The following IGSF21 variants were observed in gnomAD, a reference collection of about 807,000 sequenced individuals.
The protein encoded by IGSF21 is immunoglobin superfamily member 21.
In IGSF21, 28 loss-of-function variants were observed where a neutral mutation model predicts 46.8. The ratio of observed to expected loss-of-function variants is 0.60; its 90% CI spans 0.44 to 0.82. The LOEUF (loss-of-function observed/expected upper bound fraction) is 0.82. IGSF21 is among the 40% of genes least tolerant of loss of function. IGSF21 has a pLI of 0.00. For missense variants in IGSF21, 624 were observed against 665.5 expected (o/e 0.94, Z 0.69); for synonymous variants, 284 against 273.6 (o/e 1.04, Z -0.38).
At chr1:18,174,581 G>T (rs560050755) in intron 1 of IGSF21, among the ~76,000 whole-genome samples, 2 of 152,134 alleles carry the variant, frequency 1.3e-5, no homozygotes, top group African/African-American at 4.8e-5. Flanking sequence ...CACTTCAAGC[G>T]TGCCACCCGA....
In IGSF21 at chr1:18,291,895, G is replaced by T. The variant is rs750015491; in HGVS notation, c.213G>T (p.Lys71Asn). The T allele has an allele frequency of 1.2e-6, 2 of 1,614,132 alleles. No homozygotes were observed. Among genetic ancestry groups the T allele is most frequent in the Non-Finnish European group, 1.7e-6 (2 of 1,180,020 alleles). Reference sequence around the variant, plus strand: ...CGGATGGTGGCACCATCAAGCAAAAGATCTTCACCTTCGACGCCATGTTCT... The same window carrying T: ...CGGATGGTGGCACCATCAAGCAAAATATCTTCACCTTCGACGCCATGTTCT... ...RVTDGGTIKQ[K>N]IFTFDAMFST... Residue 71 changes from lysine (K) to asparagine (N), a missense_variant, in exon 3 of 10, where the codon AAG (lysine) becomes AAT (asparagine). By Grantham distance (94) the Lys-to-Asn change is moderately conservative. Transcript: ENST00000251296.
At chr1:18,301,389 G>C (rs560340556) in intron 3 of IGSF21, among the ~76,000 whole-genome samples, 71 of 152,336 alleles carry the variant, frequency 4.7e-4, no homozygotes, top group African/African-American at 1.7e-3. Flanking sequence ...GCCCAGGCTG[G>C]AGTGCACTGG....
intron 1 of IGSF21, among the ~76,000 whole-genome samples, chr1:18,212,935 A>G (rs2084407287): frequency 6.6e-6 from 1 of 152,250 alleles, no homozygotes; most frequent in African/African-American, 2.4e-5. Flanking sequence ...AAAGACGGTC[A>G]GGGAAAAGAC....
intron 1 of IGSF21, among the ~76,000 whole-genome samples, chr1:18,145,396 C>A (rs1020415170): frequency 6.6e-6 from 1 of 152,024 alleles, no homozygotes; most frequent in Non-Finnish European, 1.5e-5. Flanking sequence ...AAGTTAATGG[C>A]AAAACCAACC....
chr1:18,330,948 C>G (rs542491737), intron 3 of IGSF21, among the ~76,000 whole-genome samples: 1 of 152,122 alleles, frequency 6.6e-6, no homozygotes, highest in African/African-American at 2.4e-5. Flanking sequence ...CGTTACCACC[C>G]GAAATCCGTA....
chr1:18,134,131 A>G (rs2086347450), intron 1 of IGSF21, among the ~76,000 whole-genome samples: 1 of 152,176 alleles, frequency 6.6e-6, no homozygotes, highest in Non-Finnish European at 1.5e-5. Flanking sequence ...AGTTACTCTT[A>G]GTAGAACCAT....
intron 1 of IGSF21, among the ~76,000 whole-genome samples, chr1:18,141,783 T>G (rs1303448271): frequency 6.6e-6 from 1 of 152,176 alleles, no homozygotes. Flanking sequence ...AAAGCACAGT[T>G]CATGGCTGGG....
Position 18,362,151 on chromosome 1 carries a change from C to T in IGSF21, c.461C>T (p.Thr154Ile). 6.2e-7 allele frequency: 1 copy of T among 1,612,312 alleles called. No homozygotes were observed. Among genetic ancestry groups the T allele is most frequent in the Non-Finnish European group, 8.5e-7 (1 of 1,179,446 alleles). The change falls in exon 5 of 10, where the codon ACA becomes ATA. Residue 154 changes from threonine to isoleucine, a missense_variant. By Grantham distance (89) the Thr-to-Ile change is moderately conservative (BLOSUM62 -1). Transcript: ENST00000251296. ...TCCATTGAAGTGGTGGCTGCTGACA[C>T]ACCAGCCCCCTTCAGCCGCTACCAA... ...PTSIEVVAAD[T>I]PAPFSRYQAQ...
At chr1:18,340,522 G>C (rs1268334229) in intron 4 of IGSF21, among the ~76,000 whole-genome samples, 1 of 152,196 alleles carries the variant, frequency 6.6e-6, no homozygotes, top group Non-Finnish European at 1.5e-5. Flanking sequence ...AATAAGACAA[G>C]GTCCTTGCTC....
chr1:18,340,958 C>T (rs1222364693), intron 4 of IGSF21, among the ~76,000 whole-genome samples: 2 of 149,898 alleles, frequency 1.3e-5, no homozygotes, highest in Non-Finnish European at 3.0e-5. Flanking sequence ...CCTCCCCCTC[C>T]CCCTCCTTCT....
chr1:18,321,197 A>C (rs1244046238), intron 3 of IGSF21, among the ~76,000 whole-genome samples: 1 of 152,138 alleles, frequency 6.6e-6, no homozygotes, highest in Non-Finnish European at 1.5e-5. Context: ...CTGCAGACAA[A>C]AGGGTCTGCC....
At chr1:18,377,149 C>T (rs2086291657) in intron 8 of IGSF21, among the ~76,000 whole-genome samples, 157 bp downstream of exon 8, 1 of 152,196 alleles carries the variant, frequency 6.6e-6, no homozygotes, top group East Asian at 1.9e-4. Flanking sequence ...GGCAGGGTCG[C>T]TCAGTGGTTA....
At chr1:18,148,273 G>A (rs1399739767) in intron 1 of IGSF21, among the ~76,000 whole-genome samples, 1 of 151,782 alleles carries the variant, frequency 6.6e-6, no homozygotes, top group African/African-American at 2.4e-5. Flanking sequence ...TGGGACTACA[G>A]GCGCCCACCA....
At chr1:18,237,121 G>A (rs2084680509) in intron 2 of IGSF21, among the ~76,000 whole-genome samples, 1 of 152,184 alleles carries the variant, frequency 6.6e-6, no homozygotes, top group African/African-American at 2.4e-5. Context: ...ACCATCCTTA[G>A]CCTTTCAATC....
At chr1:18,312,668 G>A (rs768282947) in intron 3 of IGSF21, among the ~76,000 whole-genome samples, 1 of 152,104 alleles carries the variant, frequency 6.6e-6, no homozygotes, top group Non-Finnish European at 1.5e-5. Flanking sequence ...CGACCCTCCT[G>A]TCTCCCTCCA....
chr1:18,136,591 G>A (rs2086369118), intron 1 of IGSF21, among the ~76,000 whole-genome samples: 1 of 152,162 alleles, frequency 6.6e-6, no homozygotes, highest in South Asian at 2.1e-4. Context: ...TTATTTCTGA[G>A]GGCTCTGTTC....
intron 4 of IGSF21, among the ~76,000 whole-genome samples, chr1:18,344,948 G>A (rs1046509296): frequency 1.3e-5 from 2 of 152,200 alleles, no homozygotes; most frequent in African/African-American, 4.8e-5. Flanking sequence ...GCTGCAGAGG[G>A]AGGCATGGGC....
chr1:18,373,518 G>A (rs11583062), intron 6 of IGSF21, among the ~76,000 whole-genome samples: 6 of 152,100 alleles, frequency 3.9e-5, no homozygotes, highest in Non-Finnish European at 7.4e-5. Flanking sequence ...AGGGACCATC[G>A]GCTGCAAACG....
At chr1:18,133,707 C>G (rs1392568969) in intron 1 of IGSF21, among the ~76,000 whole-genome samples, 1 of 152,222 alleles carries the variant, frequency 6.6e-6, no homozygotes, top group African/African-American at 2.4e-5. Flanking sequence ...GTGACCCCTG[C>G]CTCGGTTTAT....
Sources: allele counts gnomAD v4.1 joint callset (sites outside exome capture counted in the v4.1 genomes callset), GRCh38; gene constraint gnomAD v4.1.1; transcripts MANE v1.5; gene names NCBI Gene and HGNC (gene_info 2026-07-23, HGNC 2026-07-21).